Variants in IRF2BP2 observed in about 807,000 individuals in gnomAD.
IRF2BP2 encodes the protein interferon regulatory factor 2-binding protein 2.
A neutral mutation model predicts 32.7 loss-of-function variants in IRF2BP2; 13 were observed. The observed-to-expected ratio is 0.40, with a 90% CI of 0.26 to 0.63. The LOEUF is 0.63. Ranked by LOEUF, IRF2BP2 falls within the 30% of genes least tolerant of loss-of-function variation. The pLI is 0.42. For missense variants in IRF2BP2, 980 were observed against 830.6 expected (o/e 1.18, Z -2.21); for synonymous variants, 555 against 384.6 (o/e 1.44, Z -5.18).
rs1672175409 is a variant in IRF2BP2, at chr1:234,606,900, GCA to G, written c.*235_*236del. 1 of 380,540 alleles carries G rather than the reference GCA, an allele frequency of 2.6e-6. No homozygotes were observed. The highest frequency in any genetic ancestry group is 2.0e-5 in the African/African-American group (1 of 49,030). The allele number at this position is 380,540 out of a possible 1,614,324, so 23.6% of individuals were successfully genotyped here. ...CGGTAACTGTCACCAGGATAATAAA[GCA>G]CAAAGATATGCTAATAACGTTAACA... On this transcript the variant is annotated 3_prime_UTR_variant, in exon 2 of 2. Transcript: ENST00000366609.
Position 234,606,227 on chromosome 1 carries a change from T to C in IRF2BP2, c.*910A>G, listed in dbSNP as rs1672156055. The stretch of plus-strand genomic sequence containing the variant: ...GACTGTAACTTCTCTTGCAACTCTT[T>C]CAAAATAAAGGACAACAGCAACAAC... On this transcript the variant is annotated 3_prime_UTR_variant, in exon 2 of 2. Coordinates refer to ENST00000366609, the MANE Select transcript of IRF2BP2 (RefSeq NM_182972.3). The C allele has an allele frequency of 6.6e-6, 1 of 152,204 alleles. No homozygotes were observed. 9.4% of individuals were successfully genotyped at this position (152,204 alleles called of 1,614,324 possible).
rs955460735 is a variant in IRF2BP2, at chr1:234,604,445, A to G, written c.*2692T>C. 3.3e-5 allele frequency: 5 copies of G among 152,214 alleles called. No individual in the cohort carries two copies. The highest frequency in any genetic ancestry group is 4.8e-5 in the African/African-American group (2 of 41,460). The allele number at this position is 152,214 out of a possible 1,614,324, so 9.4% of individuals were successfully genotyped here. On this transcript the variant is annotated 3_prime_UTR_variant, in exon 2 of 2. Coordinates refer to ENST00000366609, the MANE Select transcript of IRF2BP2 (RefSeq NM_182972.3). ...TTGACATGAGTTTCATCATATATAG[A>G]AAAAGTATCACCTTCAACTTAAAAA... is the stretch of plus-strand genomic sequence containing the variant.
chr1:234,608,880 G>C lies in IRF2BP2; in HGVS notation c.615C>G (p.Leu205=), dbSNP rs762363425. Residue 205 remains leucine (L), a synonymous_variant, in exon 1 of 2, where the codon CTC becomes CTG. Coordinates refer to ENST00000366609, the MANE Select transcript of IRF2BP2 (RefSeq NM_182972.3). ...CTAAGGAGGCGGCAGCGCGGCCGCC[G>C]AGGCCGAGCGCGGTGGGCAGCGGCG... The part of the protein sequence containing the change: ...SATPLPTALG[L]GGRAAASLAA... 3 of 1,320,136 alleles carry C rather than the reference G, an allele frequency of 2.3e-6. No homozygotes were observed. The highest frequency in any genetic ancestry group is 4.4e-5 in the South Asian group (2 of 45,140). 81.8% of individuals were successfully genotyped at this position (1,320,136 alleles called of 1,614,324 possible).
In IRF2BP2 at chr1:234,606,772, CT is replaced by C. The variant is rs563927005; in HGVS notation, c.*364del. The C allele has an allele frequency of 7.5e-5, 12 of 160,426 alleles. No individual in the cohort carries two copies. The highest frequency in any genetic ancestry group is 3.6e-4 in the East Asian group (2 of 5,548). 9.9% of individuals were successfully genotyped at this position (160,426 alleles called of 1,614,324 possible). A position where few individuals can be genotyped will look rare whatever the true frequency, so the allele number is the denominator to read the frequency against. ...TTACAATGTCAGAAAATGTATTTGG[CT>C]TTTTTTTTCTTTTTAAAATAAGTGC... On this transcript the variant is annotated 3_prime_UTR_variant, in exon 2 of 2. Transcript: ENST00000366609.
chr1:234,609,471 C>T lies in IRF2BP2; in HGVS notation c.24G>A (p.Ala8=). The part of the protein sequence containing the change: MAAAVAV[A]AASRRQSCYL... The stretch of plus-strand genomic sequence containing the variant: ...AGCACGACTGCCGCCGGGACGCGGC[C>T]GCCACCGCCACCGCCGCGGCCATGT... Residue 8 remains alanine (A), a synonymous_variant, in exon 1 of 2, where the codon GCG becomes GCA. Transcript: ENST00000366609. 6.6e-7 allele frequency: 1 copy of T among 1,503,766 alleles called. No homozygotes were observed. The allele number at this position is 1,503,766 out of a possible 1,614,324, so 93.2% of individuals were successfully genotyped here. A position where few individuals can be genotyped will look rare whatever the true frequency, so the allele number is the denominator to read the frequency against.
chr1:234,609,217 A>G lies in IRF2BP2; in HGVS notation c.278T>C (p.Leu93Ser). 5.3e-6 allele frequency: 7 copies of G among 1,333,216 alleles called. No individual in the cohort carries two copies. Among genetic ancestry groups the G allele is most frequent in the East Asian group, 3.1e-5 (1 of 32,052 alleles). 82.6% of individuals were successfully genotyped at this position (1,333,216 alleles called of 1,614,324 possible). A position where few individuals can be genotyped will look rare whatever the true frequency, so the allele number is the denominator to read the frequency against. Residue 93 changes from leucine (L) to serine (S), a missense_variant, in exon 1 of 2, where the codon TTG becomes TCG. Transcript: ENST00000366609. ...GTGGCCAAGCTGCTGCTGCTGCTGC[A>G]AAAGGATGTCCTTGGCGGAGAGCGG... ...PPPLSAKDILLQQQQQLGHGG... is the reference protein window; with the variant it reads ...PPPLSAKDILSQQQQQLGHGG...
Position 234,608,677 on chromosome 1 carries a change from A to G in IRF2BP2, c.818T>C (p.Leu273Pro). The G allele has an allele frequency of 2.0e-6, 3 of 1,517,222 alleles. No homozygotes were observed. Among genetic ancestry groups the G allele is most frequent in the Non-Finnish European group, 2.6e-6 (3 of 1,143,176 alleles). 94.0% of individuals were successfully genotyped at this position (1,517,222 alleles called of 1,614,324 possible). ...CTCGGCGGCCCCGGCCGCGGTGGAC[A>G]GGCTGTCGGCCGGGCCCCGGTGCGC... is the stretch of plus-strand genomic sequence containing the variant. ...PPAHRGPADS[L>P]STAAGAAELS... Residue 273 changes from leucine (L) to proline (P), a missense_variant, in exon 1 of 2, where the codon CTG becomes CCG. Leu to Pro is a moderately conservative substitution (Grantham distance 98, BLOSUM62 -3). Coordinates refer to ENST00000366609, the MANE Select transcript of IRF2BP2 (RefSeq NM_182972.3).
At position 234,606,969 on chromosome 1, in the gene IRF2BP2, A is replaced by G. The variant is rs1672179381; in HGVS notation, c.*168T>C. ...TTATAAGTACATACCTTTTGTCGTC[A>G]AAAAAAATATAGAAACACAATGTAT... On this transcript the variant is annotated 3_prime_UTR_variant, in exon 2 of 2. Transcript: ENST00000366609. The G allele has an allele frequency of 2.2e-6, 1 of 456,572 alleles. No individual in the cohort carries two copies. Among genetic ancestry groups the G allele is most frequent in the South Asian group, 3.2e-5 (1 of 31,184 alleles). 28.3% of individuals were successfully genotyped at this position (456,572 alleles called of 1,614,324 possible). A position where few individuals can be genotyped will look rare whatever the true frequency, so the allele number is the denominator to read the frequency against.
rs1672173442 is a variant in IRF2BP2 at position 234,606,815 on chromosome 1, A to G, written c.*322T>C. On this transcript the variant is annotated 3_prime_UTR_variant, in exon 2 of 2. Coordinates refer to ENST00000366609, the MANE Select transcript of IRF2BP2 (RefSeq NM_182972.3). The stretch of plus-strand genomic sequence containing the variant: ...AATAAGTGCATACAAATACAGCTAG[A>G]AGCATTTCTGATTTGCCAAGTGCTC... The G allele has an allele frequency of 1.0e-5, 2 of 196,098 alleles. No individual in the cohort carries two copies. Among genetic ancestry groups the G allele is most frequent in the Non-Finnish European group, 2.1e-5 (2 of 95,486 alleles). 12.1% of individuals were successfully genotyped at this position (196,098 alleles called of 1,614,324 possible).
rs766194508 is a variant in IRF2BP2 at position 234,608,748 on chromosome 1, G to A, written c.747C>T (p.His249=). ...ASVSSSAAVE[H]EQREAAAKEK... is the part of the protein sequence containing the mutation. ...CCTTGGCTGCCGCCTCACGCTGCTC[G>A]TGCTCCACGGCAGCGCTGCTCGACA... The change falls in exon 1 of 2, where the codon CAC becomes CAT. Residue 249 remains histidine (H), a synonymous_variant. Coordinates refer to ENST00000366609, the MANE Select transcript of IRF2BP2 (RefSeq NM_182972.3). 4.0e-6 allele frequency: 6 copies of A among 1,497,520 alleles called. No homozygotes were observed. Among genetic ancestry groups the A allele is most frequent in the East Asian group, 5.6e-5 (2 of 35,930 alleles). The allele number at this position is 1,497,520 out of a possible 1,614,324, so 92.8% of individuals were successfully genotyped here.
In IRF2BP2 at chr1:234,606,582, T is replaced by G. The variant is rs542064683; in HGVS notation, c.*555A>C. 2.0e-5 allele frequency: 3 copies of G among 152,452 alleles called. No individual in the cohort carries two copies. The highest frequency in any genetic ancestry group is 6.5e-5 in the Admixed American group (1 of 15,310). 9.4% of individuals were successfully genotyped at this position (152,452 alleles called of 1,614,324 possible). ...CAAAATAGAGATTCAAAATCCACTT[T>G]CCTACTCCTCTGAGGACAATGTTTC... On this transcript the variant is annotated 3_prime_UTR_variant, in exon 2 of 2. Transcript: ENST00000366609.
At position 234,607,275 on chromosome 1, in the gene IRF2BP2, T is replaced by G. The variant is rs760965704; in HGVS notation, c.1626A>C (p.Gly542=). Residue 542 remains glycine, a synonymous_variant, in exon 2 of 2, where the codon GGA becomes GGC. Coordinates refer to ENST00000366609, the MANE Select transcript of IRF2BP2 (RefSeq NM_182972.3). Reference sequence around the variant, plus strand: ...TGGGACAATAGACCTCTCCACTAGCTCCCTGCTGTTTGATGCTTTGTCTGG... The same window carrying G: ...TGGGACAATAGACCTCTCCACTAGCGCCCTGCTGTTTGATGCTTTGTCTGG... ...PCSRQSIKQQ[G]ASGEVYCPSG... The G allele has an allele frequency of 1.1e-5, 18 of 1,614,036 alleles. No individual in the cohort carries two copies. The highest frequency in any genetic ancestry group is 1.3e-5 in the Non-Finnish European group (15 of 1,180,020).
At chr1:234,608,129 T>C in intron 1 of IRF2BP2, 2 of 539,628 alleles carry the variant, frequency 3.7e-6, no homozygotes, top group Non-Finnish European at 6.5e-6. Context: ...GTACCCTCGT[T>C]TGCACTCAAC....
At position 234,607,257 on chromosome 1, in the gene IRF2BP2, A is replaced by G; in HGVS notation, c.1644T>C (p.Tyr548=). 5 of 1,614,248 alleles carry G rather than the reference A, an allele frequency of 3.1e-6. No individual in the cohort carries two copies. The highest frequency in any genetic ancestry group is 4.2e-6 in the Non-Finnish European group (5 of 1,180,034). ...GAGGGCATTTTTCCCCACTGGGACA[A>G]TAGACCTCTCCACTAGCTCCCTGCT... ...IKQQGASGEV[Y]CPSGEKCPLV... is the part of the protein sequence containing the mutation. Residue 548 remains tyrosine (Y), a synonymous_variant, in exon 2 of 2, where the codon TAT becomes TAC. Transcript: ENST00000366609.
rs1336430512 is a variant in IRF2BP2 at position 234,609,259 on chromosome 1, G to A, written c.236C>T (p.Ala79Val). 7.3e-6 allele frequency: 10 copies of A among 1,370,604 alleles called. 1 individual carries two copies. Among genetic ancestry groups the A allele is most frequent in the Admixed American group, 3.8e-5 (1 of 26,504 alleles). The allele number at this position is 1,370,604 out of a possible 1,614,324, so 84.9% of individuals were successfully genotyped here. ...GRSPPGAAAS[A>V]AAKPPPLSAK... ...GGAGAGCGGCGGCGGCTTGGCGGCGGCCGAGGCCGCGGCGCCGGGTGGGGA... is the reference window on the plus strand; with the variant it reads ...GGAGAGCGGCGGCGGCTTGGCGGCGACCGAGGCCGCGGCGCCGGGTGGGGA... The change falls in exon 1 of 2, where the codon GCC becomes GTC. Residue 79 changes from alanine (A) to valine (V), a missense_variant. Physicochemically the swap from Ala to Val is moderately conservative, Grantham distance 64. Coordinates refer to ENST00000366609, the MANE Select transcript of IRF2BP2 (RefSeq NM_182972.3).
Position 234,609,889 on chromosome 1 carries a change from C to A in IRF2BP2, c.-395G>T, listed in dbSNP as rs1672299730. Reference sequence around the variant, plus strand: ...CGCGGGGGAGCGCAGCAGGTCGCGGCGGCGGCCGGCACGGAGTGCGGGGCG... The same window carrying A: ...CGCGGGGGAGCGCAGCAGGTCGCGGAGGCGGCCGGCACGGAGTGCGGGGCG... On this transcript the variant is annotated 5_prime_UTR_variant, in exon 1 of 2. Transcript: ENST00000366609. Among the ~76,000 whole-genome samples, 1 of 124,618 alleles carries A rather than the reference C, an allele frequency of 8.0e-6. No individual in the cohort carries two copies. The highest frequency in any genetic ancestry group is 1.7e-5 in the Non-Finnish European group (1 of 59,686). The allele number at this position is 124,618 out of a possible 152,430, so 81.8% of individuals were successfully genotyped here. A position where few individuals can be genotyped will look rare whatever the true frequency, so the allele number is the denominator to read the frequency against.
In IRF2BP2 at chr1:234,607,698, T is replaced by C. The variant is rs1410519960; in HGVS notation, c.1203A>G (p.Pro401=). The part of the protein sequence containing the change: ...MTPTSSFVSP[P]PPTASPHSNR... ...TGGAATGAGGTGAGGCAGTGGGTGG[T>C]GGCGGAGACACAAAAGAGGATGTAG... is the stretch of plus-strand genomic sequence containing the variant. Residue 401 remains proline (P), a synonymous_variant, in exon 2 of 2, where the codon CCA becomes CCG. Coordinates refer to ENST00000366609, the MANE Select transcript of IRF2BP2 (RefSeq NM_182972.3). The C allele has an allele frequency of 3.1e-6, 5 of 1,614,112 alleles. No individual in the cohort carries two copies. The South Asian group carries it at 3.3e-5, about 11-fold the overall frequency.
At position 234,605,543 on chromosome 1, in the gene IRF2BP2, TAAA is replaced by T. The variant is rs1672137365; in HGVS notation, c.*1591_*1593del. On this transcript the variant is annotated 3_prime_UTR_variant, in exon 2 of 2. Transcript: ENST00000366609. ...TAAAAAGGAAAGACAAACATATAAC[TAAA>T]AAAGAATCCAAAGTTGGTAAAAATC... The T allele has an allele frequency of 6.6e-6, 1 of 152,154 alleles. No individual in the cohort carries two copies. Among genetic ancestry groups the T allele is most frequent in the African/African-American group, 2.4e-5 (1 of 41,430 alleles). 9.4% of individuals were successfully genotyped at this position (152,154 alleles called of 1,614,324 possible).
At position 234,607,260 on chromosome 1, in the gene IRF2BP2, G is replaced by A; in HGVS notation, c.1641C>T (p.Val547=). 6.2e-7 allele frequency: 1 copy of A among 1,614,224 alleles called. No homozygotes were observed. Among genetic ancestry groups the A allele is most frequent in the South Asian group, 1.1e-5 (1 of 91,088 alleles). The change falls in exon 2 of 2, where the codon GTC becomes GTT. Residue 547 remains valine (V), a synonymous_variant. Transcript: ENST00000366609. ...SIKQQGASGE[V]YCPSGEKCPL... ...GGCATTTTTCCCCACTGGGACAATA[G>A]ACCTCTCCACTAGCTCCCTGCTGTT... is the stretch of plus-strand genomic sequence containing the variant.
Sources: allele counts gnomAD v4.1 joint callset (sites outside exome capture counted in the v4.1 genomes callset), GRCh38; gene constraint gnomAD v4.1.1; transcripts MANE v1.5; gene names NCBI Gene and HGNC (gene_info 2026-07-23, HGNC 2026-07-21).